The following TMEM132D variants were observed in gnomAD, a reference collection of about 807,000 sequenced individuals.
TMEM132D encodes transmembrane protein 132D.
In TMEM132D, 21 loss-of-function variants were observed where a neutral mutation model predicts 62.3. The ratio of observed to expected loss-of-function variants is 0.34; its 90% CI spans 0.24 to 0.49. TMEM132D has a LOEUF of 0.49. Among genes scored for constraint, TMEM132D ranks in the 20% least tolerant of loss-of-function variants. The probability of loss-of-function intolerance (pLI) is 0.99; values close to 1 mark genes in which losing one functional copy is unlikely to be tolerated. For missense variants in TMEM132D, 1,346 were observed against 1,402.8 expected, an observed-to-expected ratio of 0.96 and a Z score of 0.65; for synonymous variants, 621 against 575.6, an observed-to-expected ratio of 1.08 and a Z score of -1.13.
At chr12:129,270,075 T>C (rs1455542009) in intron 4 of TMEM132D, among the ~76,000 whole-genome samples, 2 of 152,212 alleles carry the variant, frequency 1.3e-5, no homozygotes, top group Non-Finnish European at 2.9e-5. Flanking sequence ...TGATAAGCTC[T>C]GGCTTTTCAG....
rs56091765 is a variant in TMEM132D at position 129,337,441 on chromosome 12, G to GCGCA, written c.1299+192_1299+193insTGCG. On this transcript the variant is annotated intron_variant, in intron 4 of 8. Coordinates refer to ENST00000422113, the MANE Select transcript of TMEM132D (RefSeq NM_133448.3). Reference sequence around the variant, plus strand: ...TAGATATAGATATAGATACACACACGCACACACACACACACACACACACAC... The same window carrying GCGCA: ...TAGATATAGATATAGATACACACACGCGCACACACACACACACACACACACACAC... Among the ~76,000 whole-genome samples, 236 of 148,228 alleles carry GCGCA rather than the reference G, an allele frequency of 1.6e-3. 1 individual carries two copies. Among genetic ancestry groups the GCGCA allele is most frequent in the East Asian group, 9.0e-3 (45 of 4,992 alleles).
intron 4 of TMEM132D, among the ~76,000 whole-genome samples, chr12:129,323,863 C>G (rs528875847): frequency 2.0e-4 from 31 of 151,452 alleles, no homozygotes; most frequent in African/African-American, 7.5e-4. Flanking sequence ...TCACATGCCT[C>G]TCTATTATTT....
Position 129,209,731 on chromosome 12 carries a change from G to A in TMEM132D, c.1300-68C>T, listed in dbSNP as rs11060203. On this transcript the variant is annotated intron_variant, in intron 4 of 8. Transcript: ENST00000422113. The stretch of plus-strand genomic sequence containing the variant: ...ACGGCCCAGTCCCTGGGAGTATGCC[G>A]CCTGCCTTTCCTCAGCCTCCCTGCA... The A allele has an allele frequency of 4.0e-3, 6,402 of 1,584,780 alleles. 206 individuals are homozygous for A. The African/African-American group carries it at 0.075, about 19-fold the overall frequency.
At chr12:129,835,498 C>A (rs1219919763) in intron 1 of TMEM132D, among the ~76,000 whole-genome samples, 4 of 152,050 alleles carry the variant, frequency 2.6e-5, no homozygotes, top group African/African-American at 7.2e-5. Context: ...ACCATGTTGT[C>A]CAGGCTAGTC....
At chr12:129,547,193 G>T (rs867803511) in intron 2 of TMEM132D, among the ~76,000 whole-genome samples, 14 of 152,078 alleles carry the variant, frequency 9.2e-5, no homozygotes, top group African/African-American at 3.4e-4. Flanking sequence ...TGCCTCCATG[G>T]TTACACAGCT....
intron 4 of TMEM132D, among the ~76,000 whole-genome samples, chr12:129,335,617 T>C (rs1384029595): frequency 6.6e-6 from 1 of 152,124 alleles, no homozygotes; most frequent in Non-Finnish European, 1.5e-5. Flanking sequence ...TAATGACCAA[T>C]GAAAAATGGA....
At chr12:129,170,797 G>T (rs927657194) in intron 5 of TMEM132D, among the ~76,000 whole-genome samples, 2 of 105,582 alleles carry the variant, frequency 1.9e-5, no homozygotes, top group African/African-American at 6.1e-5. Context: ...GACCCAGCGA[G>T]ACTCCAAGTA....
chr12:129,152,991 T>A, intron 5 of TMEM132D, among the ~76,000 whole-genome samples: 1 of 152,254 alleles, frequency 6.6e-6, no homozygotes, highest in Admixed American at 6.5e-5. Flanking sequence ...TCCTGCCAAC[T>A]CTTCCGAGCT....
chr12:129,202,603 C>A (rs1878736090), intron 5 of TMEM132D, among the ~76,000 whole-genome samples: 1 of 152,188 alleles, frequency 6.6e-6, no homozygotes, highest in African/African-American at 2.4e-5. Flanking sequence ...ATCTCATTGG[C>A]TCTGACTGGA....
intron 5 of TMEM132D, among the ~76,000 whole-genome samples, chr12:129,097,024 A>G (rs967752127): frequency 6.6e-6 from 1 of 152,204 alleles, no homozygotes; most frequent in African/African-American, 2.4e-5. Flanking sequence ...CTGATAGGAA[A>G]TCATTTTAAT....
intron 5 of TMEM132D, among the ~76,000 whole-genome samples, chr12:129,143,748 C>T (rs1300357064): frequency 1.3e-5 from 2 of 152,154 alleles, no homozygotes; most frequent in South Asian, 2.1e-4. Flanking sequence ...GAAAGGAATG[C>T]CATTTTTGGG....
At chr12:129,616,997 C>A (rs1593090792) in intron 2 of TMEM132D, among the ~76,000 whole-genome samples, 1 of 152,160 alleles carries the variant, frequency 6.6e-6, no homozygotes, top group African/African-American at 2.4e-5. Flanking sequence ...TTTTTGCATG[C>A]ATCATTCATG....
At chr12:129,760,960 C>T (rs751621819) in intron 1 of TMEM132D, among the ~76,000 whole-genome samples, 1 of 151,928 alleles carries the variant, frequency 6.6e-6, no homozygotes. Flanking sequence ...TGGTTTCCAG[C>T]TTCATCCATG....
intron 2 of TMEM132D, among the ~76,000 whole-genome samples, chr12:129,670,494 C>G (rs1593113723): frequency 2.0e-5 from 3 of 151,982 alleles, no homozygotes; most frequent in Non-Finnish European, 4.4e-5. Context: ...TGGCCCCCAC[C>G]CAGGAACTGA....
intron 8 of TMEM132D, 43 bp from the exon 9 acceptor site, chr12:129,075,102 C>A (rs2135605950): frequency 6.5e-7 from 1 of 1,531,208 alleles, no homozygotes; most frequent in Non-Finnish European, 8.8e-7. Flanking sequence ...GGCCAAAAAG[C>A]TCATTGAGCC....
At chr12:129,194,155 TC>T (rs1878482521) in intron 5 of TMEM132D, among the ~76,000 whole-genome samples, 1 of 152,198 alleles carries the variant, frequency 6.6e-6, no homozygotes, top group African/African-American at 2.4e-5. Flanking sequence ...CAATTTGCTG[TC>T]CCATTTTTTT....
chr12:129,587,904 T>C (rs1878075344), intron 2 of TMEM132D, among the ~76,000 whole-genome samples: 1 of 152,212 alleles, frequency 6.6e-6, no homozygotes, highest in Admixed American at 6.5e-5. Flanking sequence ...AACCACGTTA[T>C]AGCTCTGAAG....
intron 3 of TMEM132D, among the ~76,000 whole-genome samples, chr12:129,468,863 T>C (rs2137045689): frequency 6.6e-6 from 1 of 152,340 alleles, no homozygotes; most frequent in African/African-American, 2.4e-5. Context: ...AATTTTAATG[T>C]CATGTTTTTA....
intron 1 of TMEM132D, among the ~76,000 whole-genome samples, chr12:129,726,464 G>C (rs921895640): frequency 6.6e-6 from 1 of 152,158 alleles, no homozygotes; most frequent in Non-Finnish European, 1.5e-5. Flanking sequence ...GAAAGGCATG[G>C]TAAAAAGAGA....
Sources: allele counts gnomAD v4.1 joint callset (sites outside exome capture counted in the v4.1 genomes callset), GRCh38; gene constraint gnomAD v4.1.1; transcripts MANE v1.5; gene names NCBI Gene and HGNC (gene_info 2026-07-23, HGNC 2026-07-21).